DPP10: variants seen among roughly 807,000 people sequenced by gnomAD.
DPP10 encodes dipeptidyl peptidase like 10.
In DPP10, 33 loss-of-function variants were observed where a neutral mutation model predicts 120.9. That is an observed-to-expected ratio of 0.27 (90% CI 0.21 to 0.37). DPP10 has a LOEUF of 0.37. DPP10 is among the 10% of genes least tolerant of loss of function. The pLI is 1.00. For synonymous variants in DPP10, 337 were observed against 326.1 expected (o/e 1.03, Z -0.36); for missense variants, 816 against 942.8 (o/e 0.87, Z 1.76).
At chr2:115,165,085 T>C (rs1033465900) in intron 1 of DPP10, among the ~76,000 whole-genome samples, 3 of 152,200 alleles carry the variant, frequency 2.0e-5, no homozygotes, top group East Asian at 3.8e-4. Flanking sequence ...TCAATTAACA[T>C]TGAAAGAGCT....
chr2:114,828,953 A>T (rs1195231384), intron 1 of DPP10: 2 of 152,202 alleles, frequency 1.3e-5, no homozygotes, highest in East Asian at 3.9e-4. Context: ...AAATAAAGTA[A>T]ATTCAAGGGA....
intron 1 of DPP10, among the ~76,000 whole-genome samples, chr2:114,848,839 T>G (rs988107409): frequency 6.6e-6 from 1 of 152,192 alleles, no homozygotes; most frequent in African/African-American, 2.4e-5. Context: ...TAGCTTACAC[T>G]GGGTGGCTTA....
intron 3 of DPP10, among the ~76,000 whole-genome samples, chr2:115,476,177 T>G (rs575468392): frequency 1.3e-4 from 20 of 152,270 alleles, no homozygotes; most frequent in Admixed American, 1.1e-3. Flanking sequence ...ATGCTGGACC[T>G]AAAGCCTGAT....
chr2:115,621,195 T>G (rs1185637335), intron 5 of DPP10, among the ~76,000 whole-genome samples: 1 of 152,224 alleles, frequency 6.6e-6, no homozygotes, highest in Non-Finnish European at 1.5e-5. Flanking sequence ...CAATTAACTT[T>G]TAAATCATTT....
chr2:115,585,709 C>T (rs2082249067), intron 5 of DPP10, among the ~76,000 whole-genome samples: 1 of 152,080 alleles, frequency 6.6e-6, no homozygotes, highest in Non-Finnish European at 1.5e-5. Context: ...AAGCAGTAAG[C>T]CCTTTAATTC....
At chr2:114,696,624 T>A (rs1326585244) in intron 1 of DPP10, among the ~76,000 whole-genome samples, 2 of 151,640 alleles carry the variant, frequency 1.3e-5, no homozygotes, top group Admixed American at 1.3e-4. Flanking sequence ...GCAAACTAGA[T>A]GCAATATAAA....
intron 1 of DPP10, among the ~76,000 whole-genome samples, chr2:114,713,138 C>A (rs182950626): frequency 6.6e-6 from 1 of 152,126 alleles, no homozygotes; most frequent in Non-Finnish European, 1.5e-5. Flanking sequence ...CGGTGTCCAC[C>A]ACCACGCCTG....
intron 3 of DPP10, among the ~76,000 whole-genome samples, chr2:115,424,837 A>C (rs2070312616): frequency 6.6e-6 from 1 of 152,178 alleles, no homozygotes; most frequent in African/African-American, 2.4e-5. Flanking sequence ...ATTTATTCCT[A>C]AGATCAATTT....
intron 1 of DPP10, among the ~76,000 whole-genome samples, chr2:115,019,237 T>C (rs538006429): frequency 6.6e-6 from 1 of 152,270 alleles, no homozygotes; most frequent in South Asian, 2.1e-4. Flanking sequence ...AAGCACCTGT[T>C]AATAAAGGTC....
intron 3 of DPP10, among the ~76,000 whole-genome samples, chr2:115,448,110 A>G (rs1628917): frequency 0.83 from 125,587 of 151,790 alleles, 54,988 homozygotes; most frequent in Non-Finnish European, 0.97. Flanking sequence ...TCTGAGGTAC[A>G]GTGAATGAGA....
chr2:115,080,258 T>A (rs990563693), intron 1 of DPP10, among the ~76,000 whole-genome samples: 3 of 152,182 alleles, frequency 2.0e-5, no homozygotes, highest in African/African-American at 7.2e-5. Flanking sequence ...CCTTAAGTGA[T>A]CAGCCCACCT....
At chr2:115,766,644 T>C (rs1160246588) in intron 12 of DPP10, among the ~76,000 whole-genome samples, 1 of 151,872 alleles carries the variant, frequency 6.6e-6, no homozygotes, top group East Asian at 1.9e-4. Context: ...GACCAGGTAA[T>C]GTATGAAGAA....
At chr2:114,885,111 T>C (rs1691952525) in intron 1 of DPP10, among the ~76,000 whole-genome samples, 1 of 152,194 alleles carries the variant, frequency 6.6e-6, no homozygotes, top group Non-Finnish European at 1.5e-5. Flanking sequence ...GGGTAATTTA[T>C]AAGGAGAAGA....
chr2:115,670,052 T>C (rs1476594124), intron 5 of DPP10, among the ~76,000 whole-genome samples: 1 of 152,076 alleles, frequency 6.6e-6, no homozygotes, highest in Non-Finnish European at 1.5e-5. Context: ...GAAGATCTGG[T>C]ATCTGGAGAG....
chr2:115,527,749 G>A (rs1357441847), intron 5 of DPP10, among the ~76,000 whole-genome samples: 2 of 152,098 alleles, frequency 1.3e-5, no homozygotes, highest in East Asian at 1.9e-4. Context: ...ATGGCAATAA[G>A]TACATGAAAA....
In DPP10 at chr2:115,274,087, TTG is replaced by T. The variant is rs149873576; in HGVS notation, c.61-35138_61-35137del. Among the ~76,000 whole-genome samples, 8 of 151,634 alleles carry T rather than the reference TTG, an allele frequency of 5.3e-5. No homozygotes were observed. The East Asian group carries it at 5.8e-4, about 11-fold the overall frequency. The stretch of plus-strand genomic sequence containing the variant: ...TGTAGAGCGCATCATGCAGAATTGT[TTG>T]TGTGTGTGTGTGTCTGTGTGTGTGT... On this transcript the variant is annotated intron_variant, in intron 1 of 25. Transcript: ENST00000410059.
chr2:115,598,312 C>A (rs964178797), intron 5 of DPP10, among the ~76,000 whole-genome samples: 5 of 151,880 alleles, frequency 3.3e-5, no homozygotes, highest in Non-Finnish European at 7.4e-5. Flanking sequence ...TGATGGTCAT[C>A]TTTTATTTTC....
At chr2:115,056,549 T>C (rs1705930298) in intron 1 of DPP10, among the ~76,000 whole-genome samples, 2 of 152,076 alleles carry the variant, frequency 1.3e-5, no homozygotes, top group South Asian at 4.1e-4. Context: ...TTCTAGAGAT[T>C]GGGTCTTCTG....
chr2:115,650,487 A>G (rs1368437829), intron 5 of DPP10, among the ~76,000 whole-genome samples: 1 of 152,170 alleles, frequency 6.6e-6, no homozygotes, highest in South Asian at 2.1e-4. Context: ...AAATTAACTT[A>G]CAAGCCTTAT....
Sources: gnomAD v4.1 joint callset for allele counts (sites outside exome capture counted in the v4.1 genomes callset) on GRCh38, gnomAD v4.1.1 for gene constraint, MANE v1.5 for transcripts, NCBI Gene and HGNC (gene_info 2026-07-23, HGNC 2026-07-21) for gene names.